The following NOVA1 variants were observed in gnomAD, a reference collection of about 807,000 sequenced individuals.
The protein encoded by NOVA1 is RNA-binding protein Nova-1.
Under a neutral mutation model 38.0 loss-of-function variants are expected in NOVA1, and 7 were observed. That is an observed-to-expected ratio of 0.18 (90% CI 0.10 to 0.35). NOVA1 has a LOEUF of 0.35. Among genes scored for constraint, NOVA1 ranks in the 10% least tolerant of loss-of-function variants. NOVA1 has a pLI of 1.00. For missense variants in NOVA1, 460 were observed against 616.0 expected, an observed-to-expected ratio of 0.75 and a Z score of 2.68; for synonymous variants, 270 against 232.5, an observed-to-expected ratio of 1.16 and a Z score of -1.47.
chr14:26,536,157 C>T (rs1398012041), intron 2 of NOVA1, among the ~76,000 whole-genome samples: 3 of 150,562 alleles, frequency 2.0e-5, no homozygotes, highest in Non-Finnish European at 4.4e-5. Context: ...ATCTAAAAAT[C>T]AAATTTATTG....
chr14:26,452,137 C>T lies in NOVA1; in HGVS notation c.520-3174G>A, dbSNP rs571695084. ...AATAGCTTACACAAGGCATTTATCA[C>T]CCAATTTTTATTTTTGACAAAAGAA... On this transcript the variant is annotated intron_variant, in intron 4 of 4. Coordinates refer to ENST00000539517, the MANE Select transcript of NOVA1 (RefSeq NM_002515.3). Among the ~76,000 whole-genome samples the T allele has an allele frequency of 5.9e-5, 9 of 152,234 alleles. 1 individual carries two copies. Among genetic ancestry groups the T allele is most frequent in the African/African-American group, 2.2e-4 (9 of 41,546 alleles).
At chr14:26,547,894 G>A (rs577056715) in intron 2 of NOVA1, among the ~76,000 whole-genome samples, 1 of 152,096 alleles carries the variant, frequency 6.6e-6, no homozygotes, top group Non-Finnish European at 1.5e-5. Context: ...CTAAATCTAT[G>A]CAAGTAAAGA....
At chr14:26,559,985 AT>A (rs1166612465) in intron 2 of NOVA1, among the ~76,000 whole-genome samples, 8 of 152,194 alleles carry the variant, frequency 5.3e-5, no homozygotes, top group African/African-American at 1.9e-4. Flanking sequence ...ATTACATTGT[AT>A]GTATTAAATT....
chr14:26,528,994 G>T (rs1454222095), intron 2 of NOVA1, among the ~76,000 whole-genome samples: 2 of 152,102 alleles, frequency 1.3e-5, no homozygotes, highest in Non-Finnish European at 2.9e-5. Flanking sequence ...TTTATGACGT[G>T]AATGGCTTGG....
chr14:26,552,942 A>C (rs992435974), intron 2 of NOVA1, among the ~76,000 whole-genome samples: 1 of 152,172 alleles, frequency 6.6e-6, no homozygotes, highest in South Asian at 2.1e-4. Context: ...TGCGATCAAA[A>C]ACTTAACCTG....
chr14:26,533,696 C>A (rs541015184), intron 2 of NOVA1, among the ~76,000 whole-genome samples: 1 of 152,146 alleles, frequency 6.6e-6, no homozygotes, highest in African/African-American at 2.4e-5. Context: ...TTTCTTATGT[C>A]TCTACCCTAA....
intron 2 of NOVA1, among the ~76,000 whole-genome samples, chr14:26,574,633 A>G (rs1892719913): frequency 6.6e-6 from 1 of 151,994 alleles, no homozygotes. Flanking sequence ...TTTAATTTCA[A>G]ATGTTTTAAG....
At chr14:26,567,613 T>C (rs1393480694) in intron 2 of NOVA1, among the ~76,000 whole-genome samples, 1 of 152,114 alleles carries the variant, frequency 6.6e-6, no homozygotes, top group East Asian at 1.9e-4. Flanking sequence ...TTGATTTAAA[T>C]AGTTTGACAG....
At chr14:26,545,806 A>G (rs1207755363) in intron 2 of NOVA1, among the ~76,000 whole-genome samples, 1 of 152,196 alleles carries the variant, frequency 6.6e-6, no homozygotes, top group Non-Finnish European at 1.5e-5. Context: ...AAAATACATT[A>G]GAAAGATTAT....
At chr14:26,597,216 A>G in intron 1 of NOVA1, 85 bp downstream of exon 1, 1 of 1,048,294 alleles carries the variant, frequency 9.5e-7, no homozygotes, top group Non-Finnish European at 1.2e-6. Flanking sequence ...GGAGGGAGGG[A>G]AGGAGGGAGG....
At chr14:26,512,932 A>G (rs1888205321) in intron 2 of NOVA1, among the ~76,000 whole-genome samples, 1 of 151,972 alleles carries the variant, frequency 6.6e-6, no homozygotes, top group Non-Finnish European at 1.5e-5. Flanking sequence ...GGTTACTGTT[A>G]CCTGCAATTA....
intron 2 of NOVA1, among the ~76,000 whole-genome samples, chr14:26,531,606 TCAAAA>T (rs71121887): frequency 0.026 from 3,966 of 150,966 alleles, 70 homozygotes; most frequent in Non-Finnish European, 0.044. Flanking sequence ...AAACTCCGTC[TCAAAA>T]CAAAACAAAA....
chr14:26,553,056 G>A lies in NOVA1; in HGVS notation c.280+42354C>T, dbSNP rs182975408. On this transcript the variant is annotated intron_variant, in intron 2 of 4. Coordinates refer to ENST00000539517, the MANE Select transcript of NOVA1 (RefSeq NM_002515.3). The stretch of plus-strand genomic sequence containing the variant: ...ATTACAGTATTTTGACTGAGGGAAT[G>A]ATATAACCTGTTTAAAAGGGTTACA... Among the ~76,000 whole-genome samples the A allele has an allele frequency of 7.6e-4, 115 of 152,274 alleles. 1 individual carries two copies. The highest frequency in any genetic ancestry group is 4.4e-3 in the Admixed American group (68 of 15,294).
intron 2 of NOVA1, chr14:26,549,341 T>TG: frequency 6.6e-6 from 1 of 152,104 alleles, no homozygotes; most frequent in African/African-American, 2.4e-5. Context: ...GTTTTTTTTT[T>TG]TTTTTTTTTG....
At chr14:26,450,230 A>G (rs1882544415) in intron 4 of NOVA1, among the ~76,000 whole-genome samples, 1 of 152,186 alleles carries the variant, frequency 6.6e-6, no homozygotes, top group African/African-American at 2.4e-5. Context: ...AGCATCTCTA[A>G]TGCTATCTTT....
chr14:26,487,441 C>T (rs1349609309), intron 2 of NOVA1, among the ~76,000 whole-genome samples: 1 of 151,870 alleles, frequency 6.6e-6, no homozygotes, highest in Non-Finnish European at 1.5e-5. Flanking sequence ...AATTATAATA[C>T]ATATATTTAT....
intron 2 of NOVA1, among the ~76,000 whole-genome samples, chr14:26,520,592 C>T (rs931682511): frequency 6.6e-6 from 1 of 152,050 alleles, no homozygotes; most frequent in African/African-American, 2.4e-5. Flanking sequence ...CATCGCATTG[C>T]CGGACCTAAG....
At chr14:26,558,250 T>G (rs897086753) in intron 2 of NOVA1, among the ~76,000 whole-genome samples, 7 of 152,080 alleles carry the variant, frequency 4.6e-5, no homozygotes, top group Admixed American at 2.0e-4. Flanking sequence ...TAGACTTCAG[T>G]TAATAAGAAT....
chr14:26,516,179 T>C (rs905760236), intron 2 of NOVA1, among the ~76,000 whole-genome samples: 2 of 152,172 alleles, frequency 1.3e-5, no homozygotes, highest in African/African-American at 4.8e-5. Context: ...TTATCGGCCA[T>C]TAGGATATCC....
Sources: allele counts gnomAD v4.1 joint callset (sites outside exome capture counted in the v4.1 genomes callset), GRCh38; gene constraint gnomAD v4.1.1; transcripts MANE v1.5; gene names NCBI Gene and HGNC (gene_info 2026-07-23, HGNC 2026-07-21).